The following TRIM25 variants were observed in gnomAD, a reference collection of about 807,000 sequenced individuals.
TRIM25 encodes E3 ubiquitin/ISG15 ligase TRIM25.
Under a neutral mutation model 65.2 loss-of-function variants are expected in TRIM25, and 45 were observed. The ratio of observed to expected loss-of-function variants is 0.69; its 90% CI spans 0.54 to 0.89. The LOEUF (loss-of-function observed/expected upper bound fraction) is 0.89, where lower values mean the gene tolerates loss of function less well. Among genes scored for constraint, TRIM25 ranks in the 40% least tolerant of loss-of-function variants. The pLI is 0.00. For synonymous variants in TRIM25, 321 were observed against 340.4 expected, an observed-to-expected ratio of 0.94 and a Z score of 0.63; for missense variants, 714 against 803.7, an observed-to-expected ratio of 0.89 and a Z score of 1.35.
chr17:56,895,653 TACTCCCTTCCA>T (rs1909277998), intron 6 of TRIM25, 49 bp from the exon 7 acceptor site: 1 of 1,512,232 alleles, frequency 6.6e-7, no homozygotes, highest in East Asian at 2.3e-5. Context: ...GGATGGCCTC[TACTCCCTTCCA>T]CACTGATTAA....
intron 8 of TRIM25, among the ~76,000 whole-genome samples, chr17:56,894,248 GT>G (rs1909240872): frequency 6.6e-6 from 1 of 152,046 alleles, no homozygotes; most frequent in African/African-American, 2.4e-5. Context: ...GGGGTTTTTT[GT>G]TTGTTTGTTT....
At position 56,888,417 on chromosome 17, in the gene TRIM25, T is replaced by C. The variant is rs1909098170; in HGVS notation, c.*3283A>G. The C allele has an allele frequency of 6.6e-6, 1 of 152,210 alleles. No individual in the cohort carries two copies. The highest frequency in any genetic ancestry group is 1.5e-5 in the Non-Finnish European group (1 of 68,020). The allele number at this position is 152,210 out of a possible 1,614,324, so 9.4% of individuals were successfully genotyped here. A position where few individuals can be genotyped will look rare whatever the true frequency, so the allele number is the denominator to read the frequency against. On this transcript the variant is annotated 3_prime_UTR_variant, in exon 9 of 9. Transcript: ENST00000316881. ...TAGACAACCTCCAATCCACACCTCCTGGAACTCCTACCCCAATTGAAACAA... is the reference window on the plus strand; with the variant it reads ...TAGACAACCTCCAATCCACACCTCCCGGAACTCCTACCCCAATTGAAACAA...
rs148487132 is a variant in TRIM25 at position 56,889,207 on chromosome 17, T to C, written c.*2493A>G. ...ATACAAAGACTTGATCCTAACCTTT[T>C]ATTTATCATGCCACACGGACTGAGA... On this transcript the variant is annotated 3_prime_UTR_variant, in exon 9 of 9. Transcript: ENST00000316881. 6.6e-6 allele frequency: 1 copy of C among 152,176 alleles called. No homozygotes were observed. Among genetic ancestry groups the C allele is most frequent in the Admixed American group, 6.5e-5 (1 of 15,268 alleles). 9.4% of individuals were successfully genotyped at this position (152,176 alleles called of 1,614,324 possible).
chr17:56,910,255 G>A (rs1909601391), intron 1 of TRIM25, among the ~76,000 whole-genome samples: 1 of 152,162 alleles, frequency 6.6e-6, no homozygotes, highest in African/African-American at 2.4e-5. Context: ...AGATATTCTG[G>A]GCGGAACCTG....
Position 56,913,392 on chromosome 17 carries a change from C to T in TRIM25, c.597G>A (p.Glu199=), listed in dbSNP as rs1249919341. 6.4e-7 allele frequency: 1 copy of T among 1,557,548 alleles called. No homozygotes were observed. Residue 199 remains glutamate (E), a splice_region_variant and synonymous_variant, in exon 1 of 9, where the codon GAG becomes GAA. Transcript: ENST00000316881. This position sits in a 1 kb window ranked among gnomAD's most constrained non-coding sequence, Gnocchi z 6.1. ...CTGCACCCAGCAGGCCGTTCCCTAC[C>T]TCCAGGTCGGCGCTGGCCTGGCTCA... ...ASLSQASADL[E]ATLRHKLTVM... is the part of the protein sequence containing the mutation.
At chr17:56,910,257 C>T (rs575730422) in intron 1 of TRIM25, among the ~76,000 whole-genome samples, 261 of 152,282 alleles carry the variant, frequency 1.7e-3, no homozygotes, top group Non-Finnish European at 2.4e-3. Flanking sequence ...ATATTCTGGG[C>T]GGAACCTGAT....
rs1230241868 is a variant in TRIM25, at chr17:56,901,721, C to G, written c.928-143G>C. ...TTCTCAAATTACAGGCCAGAGGTCA[C>G]CAGGAGTTTAAATGACACTTGAAGA... On this transcript the variant is annotated intron_variant, in intron 3 of 8. Transcript: ENST00000316881. 3.8e-6 allele frequency: 4 copies of G among 1,055,174 alleles called. No individual in the cohort carries two copies. In the East Asian group the frequency reaches 9.7e-5, roughly 25 times the overall value. 65.4% of individuals were successfully genotyped at this position (1,055,174 alleles called of 1,614,324 possible).
intron 8 of TRIM25, among the ~76,000 whole-genome samples, chr17:56,892,913 T>C (rs1392471979): frequency 6.6e-6 from 1 of 152,194 alleles, no homozygotes; most frequent in Non-Finnish European, 1.5e-5. Context: ...AAGCACACAC[T>C]GTAGGGACAC....
chr17:56,892,557 CCATT>C (rs970780208), intron 8 of TRIM25, among the ~76,000 whole-genome samples: 4 of 152,190 alleles, frequency 2.6e-5, no homozygotes, highest in Non-Finnish European at 5.9e-5. Flanking sequence ...TTCCATTTAT[CCATT>C]CATTCATTCA....
Position 56,891,677 on chromosome 17 carries a change from C to A in TRIM25, c.*23G>T. On this transcript the variant is annotated 3_prime_UTR_variant, in exon 9 of 9. Coordinates refer to ENST00000316881, the MANE Select transcript of TRIM25 (RefSeq NM_005082.5). ...GGGTCTTGGGACTTCTGCAGGCAGT[C>A]AGCCCAAGTGCCTACAGCCTGCCTA... 1.3e-6 allele frequency: 2 copies of A among 1,598,140 alleles called. No individual in the cohort carries two copies. Among genetic ancestry groups the A allele is most frequent in the South Asian group, 2.2e-5 (2 of 89,404 alleles).
At chr17:56,897,965 C>T (rs1246882029) in intron 5 of TRIM25, among the ~76,000 whole-genome samples, 1 of 152,216 alleles carries the variant, frequency 6.6e-6, no homozygotes, top group Non-Finnish European at 1.5e-5. Context: ...CTGCCTGCTA[C>T]AGGTGACCTG....
chr17:56,888,627 C>T lies in TRIM25; in HGVS notation c.*3073G>A, dbSNP rs986550542. On this transcript the variant is annotated 3_prime_UTR_variant, in exon 9 of 9. Transcript: ENST00000316881. ...ATCCGTGTGTGGCTTACTCTTTGATCGATACTCTCCTGCTTTCCCCTAGCC... is the reference window on the plus strand; with the variant it reads ...ATCCGTGTGTGGCTTACTCTTTGATTGATACTCTCCTGCTTTCCCCTAGCC... 2.0e-5 allele frequency: 3 copies of T among 152,076 alleles called. No individual in the cohort carries two copies. The highest frequency in any genetic ancestry group is 6.5e-5 in the Admixed American group (1 of 15,274). 9.4% of individuals were successfully genotyped at this position (152,076 alleles called of 1,614,324 possible).
At position 56,889,710 on chromosome 17, in the gene TRIM25, C is replaced by T. The variant is rs1398858054; in HGVS notation, c.*1990G>A. 3 of 398,520 alleles carry T rather than the reference C, an allele frequency of 7.5e-6. No homozygotes were observed. Among genetic ancestry groups the T allele is most frequent in the Non-Finnish European group, 1.3e-5 (3 of 226,086 alleles). The allele number at this position is 398,520 out of a possible 1,614,324, so 24.7% of individuals were successfully genotyped here. A position where few individuals can be genotyped will look rare whatever the true frequency, so the allele number is the denominator to read the frequency against. On this transcript the variant is annotated 3_prime_UTR_variant, in exon 9 of 9. Transcript: ENST00000316881. ...TGCAGAAGAGAGCCAGAGCAGGAGC[C>T]ATGGATTTATCTCTGGCATTCTACT...
rs1909189421 is a variant in TRIM25 at position 56,892,194 on chromosome 17, G to C, written c.1399C>G (p.His467Asp). The change falls in exon 9 of 9, where the codon CAC becomes GAC. Residue 467 changes from histidine (H) to aspartate (D), a missense_variant. Physicochemically the swap from His to Asp is moderately conservative, Grantham distance 81. Transcript: ENST00000316881. ...CACTCTGACAGAGCCACTTTGTTGT[G>C]GGCGGTGTTGTAGTCCAGGATGACT... ...IKVILDYNTA[H>D]NKVALSECYT... 6.2e-7 allele frequency: 1 copy of C among 1,608,664 alleles called. No individual in the cohort carries two copies. The highest frequency in any genetic ancestry group is 1.1e-5 in the South Asian group (1 of 90,958).
rs112060241 is a variant in TRIM25 at position 56,899,266 on chromosome 17, G to C, written c.1088-86C>G. 100 of 1,403,364 alleles carry C rather than the reference G, an allele frequency of 7.1e-5. No individual in the cohort carries two copies. The African/African-American group carries it at 1.1e-3, about 16-fold the overall frequency. The allele number at this position is 1,403,364 out of a possible 1,614,324, so 86.9% of individuals were successfully genotyped here. A position where few individuals can be genotyped will look rare whatever the true frequency, so the allele number is the denominator to read the frequency against. ...TTTGCCATGGGTCGGTGGGCAGGCA[G>C]AGGGTTTACACAGACAGCCATTTCC... On this transcript the variant is annotated intron_variant, in intron 4 of 8. Coordinates refer to ENST00000316881, the MANE Select transcript of TRIM25 (RefSeq NM_005082.5).
chr17:56,911,377 C>T (rs1360124171), intron 1 of TRIM25, among the ~76,000 whole-genome samples: 12 of 151,936 alleles, frequency 7.9e-5, no homozygotes, highest in African/African-American at 2.7e-4. Flanking sequence ...GGCAGGAATT[C>T]GAGACCAGCC....
intron 5 of TRIM25, among the ~76,000 whole-genome samples, chr17:56,898,026 C>T (rs1203040406): frequency 6.6e-6 from 1 of 152,172 alleles, no homozygotes; most frequent in Admixed American, 6.5e-5. Context: ...GCTCTCTCAT[C>T]CCCCCAACAC....
At chr17:56,906,038 C>T (rs1454864860) in intron 2 of TRIM25, among the ~76,000 whole-genome samples, 1 of 152,250 alleles carries the variant, frequency 6.6e-6, no homozygotes, top group Admixed American at 6.5e-5. Context: ...TGCACTCCTA[C>T]TGTATTTCTG....
intron 1 of TRIM25, among the ~76,000 whole-genome samples, chr17:56,909,323 A>G (rs968217137): frequency 5.9e-5 from 9 of 152,114 alleles, no homozygotes; most frequent in Admixed American, 5.9e-4. Flanking sequence ...TCAGCCTCAC[A>G]GGGCAGGGAG....
Sources: allele counts gnomAD v4.1 joint callset (sites outside exome capture counted in the v4.1 genomes callset), GRCh38; gene constraint gnomAD v4.1.1; non-coding constraint Gnocchi (gnomAD v3.1); transcripts MANE v1.5; gene names NCBI Gene and HGNC (gene_info 2026-07-23, HGNC 2026-07-21).